TANK: variants seen among roughly 807,000 people sequenced by gnomAD.
TANK encodes the protein TRAF family member-associated NF-kappa-B activator.
A neutral mutation model predicts 43.6 loss-of-function variants in TANK; 15 were observed. The observed-to-expected ratio is 0.34, with a 90% CI of 0.23 to 0.53. TANK has a LOEUF of 0.53. TANK is among the 20% of genes least tolerant of loss of function. TANK has a pLI of 0.94. For synonymous variants in TANK, 162 were observed against 178.2 expected, an observed-to-expected ratio of 0.91 and a Z score of 0.73; for missense variants, 417 against 498.6, an observed-to-expected ratio of 0.84 and a Z score of 1.56.
chr2:161,208,289 A>G, intron 4 of TANK: 1 of 861,600 alleles, frequency 1.2e-6, no homozygotes, highest in Non-Finnish European at 1.4e-6. Flanking sequence ...TGAAATTTAT[A>G]GTTCAGTCTC....
intron 4 of TANK, 47 bp downstream of exon 4, chr2:161,204,840 A>T: frequency 6.3e-7 from 1 of 1,587,000 alleles, no homozygotes; most frequent in Non-Finnish European, 8.5e-7. Context: ...CTGATGCGTG[A>T]CATAGCTTCC....
rs1687878652 is a variant in TANK at position 161,230,914 on chromosome 2, A to G, written c.521-57A>G. On this transcript the variant is annotated intron_variant, in intron 6 of 7. Coordinates refer to ENST00000392749, the MANE Select transcript of TANK (RefSeq NM_001199135.3). ...ATAATCTCTCCAAAGCTGATTGAAC[A>G]GATTTTTTTAATGATTTGAATGCGG... 12 of 1,348,092 alleles carry G rather than the reference A, an allele frequency of 8.9e-6. No homozygotes were observed. The Admixed American group carries it at 2.1e-4, about 24-fold the overall frequency. The allele number at this position is 1,348,092 out of a possible 1,614,324, so 83.5% of individuals were successfully genotyped here. A position where few individuals can be genotyped will look rare whatever the true frequency, so the allele number is the denominator to read the frequency against.
intron 2 of TANK, chr2:161,201,093 G>C (rs1376138254): frequency 2.0e-6 from 2 of 985,016 alleles, no homozygotes; most frequent in Admixed American, 6.1e-5. Context: ...TATGTGAAAA[G>C]TGTAGGAGGA....
At chr2:161,142,509 G>A (rs1683779852) in intron 1 of TANK, among the ~76,000 whole-genome samples, 1 of 152,114 alleles carries the variant, frequency 6.6e-6, no homozygotes, top group Non-Finnish European at 1.5e-5. Flanking sequence ...TAAGGTGTAA[G>A]GAAGGGGTGC....
chr2:161,209,576 T>G (rs1287912306), intron 4 of TANK, among the ~76,000 whole-genome samples: 1 of 152,228 alleles, frequency 6.6e-6, no homozygotes, highest in Non-Finnish European at 1.5e-5. Context: ...GTTGCCAAAC[T>G]AAATACTATC....
intron 4 of TANK, among the ~76,000 whole-genome samples, chr2:161,219,408 C>T (rs1687246937): frequency 6.6e-6 from 1 of 152,084 alleles, no homozygotes; most frequent in South Asian, 2.1e-4. Flanking sequence ...GGAGTTGTTC[C>T]CACACTGGCA....
chr2:161,160,611 C>G, intron 1 of TANK, 125 bp downstream of exon 1: 1 of 792,692 alleles, frequency 1.3e-6, no homozygotes, highest in Non-Finnish European at 1.8e-6. Flanking sequence ...AGCCGAGGAG[C>G]AGCGGAGACA....
At chr2:161,216,254 G>A (rs183656515) in intron 4 of TANK, 2 of 277,410 alleles carry the variant, frequency 7.2e-6, no homozygotes, top group South Asian at 3.3e-5. Flanking sequence ...TGACTTGTCT[G>A]TATTCTCTAG....
intron 4 of TANK, chr2:161,208,193 C>T (rs1238535065): frequency 1.0e-6 from 1 of 985,052 alleles, no homozygotes; most frequent in Non-Finnish European, 1.2e-6. Flanking sequence ...ACTCTGGCTG[C>T]CTTGGAAAAA....
chr2:161,231,403 G>C lies in TANK; in HGVS notation c.953G>C (p.Cys318Ser), dbSNP rs372697090. Reference protein sequence around the residue: ...KTKPSNLVNTCIRTTLDRAAC... With the variant: ...KTKPSNLVNTSIRTTLDRAAC... ...AAGCCCTCAAATCTCGTAAACACTT[G>C]TATCAGGACAACTCTGGATAGAGCT... The change falls in exon 7 of 8, where the codon TGT becomes TCT. Residue 318 changes from cysteine to serine, a missense_variant. Physicochemically the swap from Cys to Ser is moderately radical, Grantham distance 112. Transcript: ENST00000392749. 6.2e-7 allele frequency: 1 copy of C among 1,614,052 alleles called. No homozygotes were observed. The highest frequency in any genetic ancestry group is 8.5e-7 in the Non-Finnish European group (1 of 1,180,018).
rs117800014 is a variant in TANK at position 161,145,549 on chromosome 2, G to A, written c.-50+8486G>A. ...GGCCAGGTAGTGATGAAATCCCTCA[G>A]CATTTGGTTGTCTGGAAAGGATTTT... On this transcript the variant is annotated intron_variant, in intron 1 of 7. Coordinates refer to the TANK transcript ENST00000259075. 2.0e-5 allele frequency among the ~76,000 whole-genome samples: 3 copies of A among 151,960 alleles called. No individual in the cohort carries two copies. In the East Asian group the frequency reaches 5.8e-4, roughly 29 times the overall value.
At chr2:161,207,639 G>A (rs1162718184) in intron 4 of TANK, 1 of 985,224 alleles carries the variant, frequency 1.0e-6, no homozygotes, top group African/African-American at 1.7e-5. Context: ...AAAAAATACT[G>A]GCCCATCAAG....
chr2:161,235,196 C>A, intron 7 of TANK, 146 bp from the exon 8 acceptor site: 1 of 616,230 alleles, frequency 1.6e-6, no homozygotes, highest in Non-Finnish European at 2.6e-6. Flanking sequence ...TCATGTCATG[C>A]TAACTTTACG....
At chr2:161,158,841 T>A (rs1288304875), upstream of TANK, among the ~76,000 whole-genome samples, 1 of 152,152 alleles carries the variant, frequency 6.6e-6, no homozygotes, top group Non-Finnish European at 1.5e-5. Context: ...AAAGAACACT[T>A]AAAACTCAAC....
At chr2:161,190,154 G>A (rs1685847596) in intron 2 of TANK, among the ~76,000 whole-genome samples, 1 of 152,116 alleles carries the variant, frequency 6.6e-6, no homozygotes, top group Non-Finnish European at 1.5e-5. Flanking sequence ...TTTAAAATGG[G>A]CAAGGGGCTT....
intron 1 of TANK, among the ~76,000 whole-genome samples, chr2:161,165,241 T>C (rs908889371): frequency 9.9e-5 from 15 of 152,174 alleles, no homozygotes; most frequent in Non-Finnish European, 1.9e-4. Flanking sequence ...GTATGAGAAT[T>C]GTTCTATTGA....
intron 1 of TANK, among the ~76,000 whole-genome samples, chr2:161,168,867 A>G (rs1361544620): frequency 6.6e-6 from 1 of 152,236 alleles, no homozygotes; most frequent in Non-Finnish European, 1.5e-5. Context: ...ATCCTCAAAA[A>G]AAATAAACAG....
chr2:161,219,382 G>C (rs1245982277), intron 4 of TANK, among the ~76,000 whole-genome samples: 1 of 152,086 alleles, frequency 6.6e-6, no homozygotes, highest in Non-Finnish European at 1.5e-5. Flanking sequence ...CTCTGGGATG[G>C]ATCCCATTTT....
chr2:161,140,589 C>G (rs553922469), intron 1 of TANK, among the ~76,000 whole-genome samples: 1 of 151,796 alleles, frequency 6.6e-6, no homozygotes, highest in African/African-American at 2.4e-5. Flanking sequence ...TTTCTCAATG[C>G]CTTTTTTAGA....
Sources: allele counts gnomAD v4.1 joint callset (sites outside exome capture counted in the v4.1 genomes callset), GRCh38; gene constraint gnomAD v4.1.1; transcripts MANE v1.5; gene names NCBI Gene and HGNC (gene_info 2026-07-23, HGNC 2026-07-21).